Variants in POLR3H observed in about 807,000 individuals in gnomAD.
POLR3H encodes DNA-directed RNA polymerase III subunit RPC8.
In POLR3H, 17 loss-of-function variants were observed where a neutral mutation model predicts 25.5. The ratio of observed to expected loss-of-function variants is 0.67; its 90% confidence interval spans 0.46 to 1.00. POLR3H has a LOEUF of 1.00. Among genes scored for constraint, POLR3H ranks in the 50% least tolerant of loss-of-function variants. The pLI, the probability that POLR3H is intolerant of heterozygous loss-of-function variation, is 0.00. For missense variants in POLR3H, 274 were observed against 265.0 expected (o/e 1.03, Z -0.24); for synonymous variants, 129 against 103.0 (o/e 1.25, Z -1.53).
chr22:41,529,413 C>CA (rs1601942605), intron 5 of POLR3H, 77 bp from the exon 6 acceptor site: 59 of 1,288,228 alleles, frequency 4.6e-5, no homozygotes, highest in Non-Finnish European at 6.5e-5. Context: ...GAAGGGAGCC[C>CA]AGCAGGCCCA....
At chr22:41,532,039 C>T (rs1210135291) in intron 4 of POLR3H, 55 bp downstream of exon 4, 1 of 1,540,334 alleles carries the variant, frequency 6.5e-7, no homozygotes, top group Non-Finnish European at 9.0e-7. Context: ...TGGGGACCTT[C>T]CTTTGGAGAG....
chr22:41,527,910 T>G lies in POLR3H; in HGVS notation c.*1373A>C. On this transcript the variant is annotated 3_prime_UTR_variant, in exon 6 of 6. Transcript: ENST00000355209. ...GCCGCCTGCTTTCCAGAGACCAACC[T>G]GAAGAAACAGGGCCTGCTGCCTCTG... The G allele has an allele frequency of 6.2e-7, 1 of 1,614,148 alleles. No individual in the cohort carries two copies. Among genetic ancestry groups the G allele is most frequent in the Non-Finnish European group, 8.5e-7 (1 of 1,180,020 alleles).
chr22:41,543,806 C>A, intron 1 of POLR3H, 185 bp downstream of exon 1: 1 of 705,454 alleles, frequency 1.4e-6, no homozygotes, highest in African/African-American at 1.8e-5. Context: ...AGTTACAACT[C>A]CCTTTTTCAA....
intron 2 of POLR3H, chr22:41,540,391 C>T (rs554501684): frequency 3.5e-5 from 14 of 405,028 alleles, no homozygotes; most frequent in African/African-American, 1.8e-4. Flanking sequence ...AGAAGTCTGC[C>T]GCTGTCACCG....
At chr22:41,532,511 T>G in intron 3 of POLR3H, 148 bp downstream of exon 3, 1 of 1,431,692 alleles carries the variant, frequency 7.0e-7, no homozygotes, top group Non-Finnish European at 9.5e-7. Flanking sequence ...ACACAACACA[T>G]AAAAGGGAGG....
chr22:41,534,086 A>G (rs756841447), intron 2 of POLR3H, among the ~76,000 whole-genome samples: 2 of 152,056 alleles, frequency 1.3e-5, no homozygotes, highest in Non-Finnish European at 2.9e-5. Flanking sequence ...GCAGTACGCC[A>G]AGATCATGCC....
In POLR3H at chr22:41,528,647, A is replaced by C; in HGVS notation, c.*636T>G. The stretch of plus-strand genomic sequence containing the variant: ...CCTCCCCGCCCCGCCGCTGGCGTCA[A>C]GTTCAGCTCCACGTGTGCCATCAGT... On this transcript the variant is annotated 3_prime_UTR_variant, in exon 6 of 6. Coordinates refer to ENST00000355209, the MANE Select transcript of POLR3H (RefSeq NM_001018050.4). The C allele has an allele frequency of 6.2e-7, 1 of 1,606,962 alleles. No homozygotes were observed. The highest frequency in any genetic ancestry group is 1.7e-5 in the Admixed American group (1 of 59,884).
At position 41,528,417 on chromosome 22, in the gene POLR3H, C is replaced by T; in HGVS notation, c.*866G>A. 1 of 1,585,362 alleles carries T rather than the reference C, an allele frequency of 6.3e-7. No individual in the cohort carries two copies. Among genetic ancestry groups the T allele is most frequent in the South Asian group, 1.1e-5 (1 of 87,094 alleles). Reference sequence around the variant, plus strand: ...GGCAGTGCCCTGTCTCCCTGACCCCCCTGCGGGGCCAAGGGCACACAGTAC... The same window carrying T: ...GGCAGTGCCCTGTCTCCCTGACCCCTCTGCGGGGCCAAGGGCACACAGTAC... On this transcript the variant is annotated 3_prime_UTR_variant, in exon 6 of 6. Transcript: ENST00000355209.
At position 41,527,472 on chromosome 22, in the gene POLR3H, G is replaced by A. The variant is rs535093684; in HGVS notation, c.*1811C>T. Reference sequence around the variant, plus strand: ...TCCTCATCCCATCCCTAGTGATCAAGGTCACTCTCCCTGCCCGTGGCTGAG... The same window carrying A: ...TCCTCATCCCATCCCTAGTGATCAAAGTCACTCTCCCTGCCCGTGGCTGAG... On this transcript the variant is annotated 3_prime_UTR_variant, in exon 6 of 6. Coordinates refer to ENST00000355209, the MANE Select transcript of POLR3H (RefSeq NM_001018050.4). 171 of 1,561,064 alleles carry A rather than the reference G, an allele frequency of 1.1e-4. No homozygotes were observed. In the South Asian group the frequency reaches 1.9e-3, roughly 17 times the overall value.
Position 41,532,649 on chromosome 22 carries a change from C to T in POLR3H, c.295+10G>A. The T allele has an allele frequency of 1.2e-6, 2 of 1,614,050 alleles. No individual in the cohort carries two copies. Among genetic ancestry groups the T allele is most frequent in the Non-Finnish European group, 1.7e-6 (2 of 1,179,964 alleles). ...CCAAGTCTTGTCTGAGGCGTCAGGG[C>T]CACTGTTACCGTGCACTCCTTCTGG... On this transcript the variant is annotated intron_variant, in intron 3 of 5. Coordinates refer to ENST00000355209, the MANE Select transcript of POLR3H (RefSeq NM_001018050.4).
Position 41,527,914 on chromosome 22 carries a change from G to A in POLR3H, c.*1369C>T, listed in dbSNP as rs528913880. 3 of 1,614,198 alleles carry A rather than the reference G, an allele frequency of 1.9e-6. No individual in the cohort carries two copies. The highest frequency in any genetic ancestry group is 2.7e-5 in the African/African-American group (2 of 75,048). ...CCTGCTTTCCAGAGACCAACCTGAA[G>A]AAACAGGGCCTGCTGCCTCTGACCT... On this transcript the variant is annotated 3_prime_UTR_variant, in exon 6 of 6. Coordinates refer to ENST00000355209, the MANE Select transcript of POLR3H (RefSeq NM_001018050.4).
chr22:41,527,679 C>A lies in POLR3H; in HGVS notation c.*1604G>T. On this transcript the variant is annotated 3_prime_UTR_variant, in exon 6 of 6. Coordinates refer to ENST00000355209, the MANE Select transcript of POLR3H (RefSeq NM_001018050.4). ...CATGTGCCAGGGGGTTCTTTCTGAT[C>A]ATGAATGTGCAGCAGGAAGGCCTCG... is the stretch of plus-strand genomic sequence containing the variant. 2.5e-6 allele frequency: 2 copies of A among 795,716 alleles called. No homozygotes were observed. The highest frequency in any genetic ancestry group is 3.9e-6 in the Non-Finnish European group (2 of 513,694). 49.3% of individuals were successfully genotyped at this position (795,716 alleles called of 1,614,324 possible). A position where few individuals can be genotyped will look rare whatever the true frequency, so the allele number is the denominator to read the frequency against.
intron 3 of POLR3H, 78 bp from the exon 4 acceptor site, chr22:41,532,235 C>T: frequency 7.0e-7 from 1 of 1,423,930 alleles, no homozygotes; most frequent in African/African-American, 1.4e-5. Context: ...TTATGCTTGA[C>T]AGGCAAGCCC....
At position 41,527,979 on chromosome 22, in the gene POLR3H, A is replaced by G. The variant is rs759272875; in HGVS notation, c.*1304T>C. On this transcript the variant is annotated 3_prime_UTR_variant, in exon 6 of 6. Coordinates refer to ENST00000355209, the MANE Select transcript of POLR3H (RefSeq NM_001018050.4). ...GACTACAACAAGATTCACCCTGTGGACAAGCTGACCATTCAGGGCCTGAAG... is the reference window on the plus strand; with the variant it reads ...GACTACAACAAGATTCACCCTGTGGGCAAGCTGACCATTCAGGGCCTGAAG... The G allele has an allele frequency of 1.9e-6, 3 of 1,614,146 alleles. No homozygotes were observed. Among genetic ancestry groups the G allele is most frequent in the Non-Finnish European group, 2.5e-6 (3 of 1,180,014 alleles).
rs1342996909 is a variant in POLR3H, at chr22:41,526,605, C to T, written c.*2678G>A. 1.2e-6 allele frequency: 1 copy of T among 803,314 alleles called. No individual in the cohort carries two copies. Among genetic ancestry groups the T allele is most frequent in the African/African-American group, 1.7e-5 (1 of 57,152 alleles). 49.8% of individuals were successfully genotyped at this position (803,314 alleles called of 1,614,324 possible). On this transcript the variant is annotated 3_prime_UTR_variant, in exon 6 of 6. Coordinates refer to ENST00000355209, the MANE Select transcript of POLR3H (RefSeq NM_001018050.4). ...GTGGAAGGGAGGAGAGGCCTGCAGCCCCTCCCTGTGGCTGAGAAGGCATGA... is the reference window on the plus strand; with the variant it reads ...GTGGAAGGGAGGAGAGGCCTGCAGCTCCTCCCTGTGGCTGAGAAGGCATGA...
chr22:41,528,353 C>G lies in POLR3H; in HGVS notation c.*930G>C. 1 of 1,366,092 alleles carries G rather than the reference C, an allele frequency of 7.3e-7. No individual in the cohort carries two copies. 84.6% of individuals were successfully genotyped at this position (1,366,092 alleles called of 1,614,324 possible). A position where few individuals can be genotyped will look rare whatever the true frequency, so the allele number is the denominator to read the frequency against. ...ACCTGGGCCATCAGGCACAGACTGG[C>G]CTAGGATTTGGTTTGCCTGCTGACC... is the stretch of plus-strand genomic sequence containing the variant. On this transcript the variant is annotated 3_prime_UTR_variant, in exon 6 of 6. Transcript: ENST00000355209.
rs999779698 is a variant in POLR3H at position 41,528,074 on chromosome 22, T to C, written c.*1209A>G. ...GGTGGGGTGAGGGGCAGCCACCTTG[T>C]TTCCCCTCCTGCACTGGCCCCAGGG... On this transcript the variant is annotated 3_prime_UTR_variant, in exon 6 of 6. Coordinates refer to ENST00000355209, the MANE Select transcript of POLR3H (RefSeq NM_001018050.4). 3 of 1,611,904 alleles carry C rather than the reference T, an allele frequency of 1.9e-6. No homozygotes were observed. The highest frequency in any genetic ancestry group is 2.7e-5 in the African/African-American group (2 of 74,840).
chr22:41,526,126 T>G lies in POLR3H; in HGVS notation c.*3157A>C. The G allele has an allele frequency of 1.4e-6, 1 of 708,538 alleles. No homozygotes were observed. The highest frequency in any genetic ancestry group is 2.4e-6 in the Non-Finnish European group (1 of 425,238). 43.9% of individuals were successfully genotyped at this position (708,538 alleles called of 1,614,324 possible). On this transcript the variant is annotated 3_prime_UTR_variant, in exon 6 of 6. Transcript: ENST00000355209. ...AAGCACCAGGACCACAGAACACGTG[T>G]CTGAAGACTTGCCTGCCTCTCACCC...
chr22:41,532,909 C>G lies in POLR3H; in HGVS notation c.209-164G>C, dbSNP rs141057752. Among the ~76,000 whole-genome samples the G allele has an allele frequency of 3.9e-3, 595 of 152,240 alleles. 3 individuals are homozygous for G. Among genetic ancestry groups the G allele is most frequent in the Middle Eastern group, 0.01 (3 of 294 alleles). On this transcript the variant is annotated intron_variant, in intron 2 of 5. Transcript: ENST00000355209. ...GTCTCCTGCAAGTTCACAGCATGGC[C>G]CCCACAGGGGGGCAGCAGCAGCTGT...
Sources: gnomAD v4.1 joint callset for allele counts (sites outside exome capture counted in the v4.1 genomes callset) on GRCh38, gnomAD v4.1.1 for gene constraint, MANE v1.5 for transcripts, NCBI Gene and HGNC (gene_info 2026-07-23, HGNC 2026-07-21) for gene names.